NLGN1: variants seen among roughly 807,000 people sequenced by gnomAD.
NLGN1 encodes the protein neuroligin 1.
Under a neutral mutation model 65.5 loss-of-function variants are expected in NLGN1, and 12 were observed. The observed-to-expected ratio is 0.18, with a 90% confidence interval of 0.12 to 0.30. NLGN1 has a LOEUF of 0.30. Ranked by LOEUF, NLGN1 falls within the 10% of genes least tolerant of loss-of-function variation. The pLI is 1.00. For synonymous variants in NLGN1, 350 were observed against 359.5 expected (o/e 0.97, Z 0.30); for missense variants, 750 against 1,007.1 (o/e 0.74, Z 3.46).
intron 4 of NLGN1, among the ~76,000 whole-genome samples, chr3:173,872,967 A>G (rs542671862): frequency 6.6e-6 from 1 of 152,212 alleles, no homozygotes; most frequent in African/African-American, 2.4e-5. Context: ...TTAGAGTTTG[A>G]TGATACAATG....
intron 3 of NLGN1, among the ~76,000 whole-genome samples, chr3:173,618,952 T>C (rs1157528372): frequency 6.6e-6 from 1 of 152,144 alleles, no homozygotes; most frequent in Non-Finnish European, 1.5e-5. Context: ...GGGCTGGTAG[T>C]CTGTGCAGTC....
At chr3:173,428,622 A>T (rs920646596) in intron 1 of NLGN1, among the ~76,000 whole-genome samples, 2 of 152,028 alleles carry the variant, frequency 1.3e-5, no homozygotes, top group African/African-American at 4.8e-5. Flanking sequence ...TTAAGAAATT[A>T]TGTAATTATT....
At chr3:173,889,785 CA>C (rs36084564) in intron 4 of NLGN1, among the ~76,000 whole-genome samples, 24,456 of 151,932 alleles carry the variant, frequency 0.16, 2,201 homozygotes, top group East Asian at 0.34. Flanking sequence ...CAGATGCATC[CA>C]AAAAATATGC....
chr3:173,414,669 GT>G (rs1348427868), intron 1 of NLGN1, among the ~76,000 whole-genome samples: 3 of 151,960 alleles, frequency 2.0e-5, no homozygotes, highest in Admixed American at 2.0e-4. Context: ...GTCCATTTGT[GT>G]TTAATAGTAA....
chr3:173,935,614 A>ACACACACACACACT lies in NLGN1; in HGVS notation c.646+127791_646+127792insACACTCACACACAC, dbSNP rs1260485595. Among the ~76,000 whole-genome samples, 11 of 116,234 alleles carry ACACACACACACACT rather than the reference A, an allele frequency of 9.5e-5. 1 individual carries two copies. The East Asian group carries it at 2.8e-3, about 29-fold the overall frequency. 76.3% of individuals were successfully genotyped at this position (116,234 alleles called of 152,430 possible). A position where few individuals can be genotyped will look rare whatever the true frequency, so the allele number is the denominator to read the frequency against. On this transcript the variant is annotated intron_variant, in intron 4 of 6. Transcript: ENST00000457714. ...AGTCTACACACACACACACACACACACACACACACTCTCTCTCTCTCTCTC... is the reference window on the plus strand; with the variant it reads ...AGTCTACACACACACACACACACACACACACACACACACTCACACACACTCTCTCTCTCTCTCTC...
intron 2 of NLGN1, among the ~76,000 whole-genome samples, chr3:173,460,142 A>G (rs1411089472): frequency 1.3e-5 from 2 of 152,152 alleles, no homozygotes; most frequent in East Asian, 1.9e-4. Flanking sequence ...GAAAACTTCA[A>G]TTGTAATATG....
At chr3:173,978,834 TAAA>T (rs34496124) in intron 4 of NLGN1, among the ~76,000 whole-genome samples, 14 of 111,252 alleles carry the variant, frequency 1.3e-4, no homozygotes, top group South Asian at 3.0e-4. Context: ...CTTCTCTAAT[TAAA>T]AAAAAAAAAA....
intron 2 of NLGN1, among the ~76,000 whole-genome samples, chr3:173,544,868 AAG>A (rs1739507404): frequency 6.6e-6 from 1 of 152,158 alleles, no homozygotes; most frequent in South Asian, 2.1e-4. Flanking sequence ...TAGAATTAGA[AAG>A]AACGGGAGGG....
At chr3:174,124,131 C>T (rs182306938) in intron 4 of NLGN1, among the ~76,000 whole-genome samples, 1 of 152,162 alleles carries the variant, frequency 6.6e-6, no homozygotes, top group East Asian at 1.9e-4. Context: ...GAAAGAGAGA[C>T]CTCAGAAGGA....
At chr3:174,103,379 C>T (rs909079767) in intron 4 of NLGN1, among the ~76,000 whole-genome samples, 15 of 152,066 alleles carry the variant, frequency 9.9e-5, no homozygotes, top group Non-Finnish European at 1.6e-4. Context: ...GATAAAGGCT[C>T]ATTTTTGCTT....
intron 3 of NLGN1, among the ~76,000 whole-genome samples, chr3:173,743,490 A>G (rs1183857481): frequency 1.3e-5 from 2 of 152,132 alleles, no homozygotes; most frequent in African/African-American, 4.8e-5. Context: ...GCTTTCTACT[A>G]TCTAATATAT....
At chr3:173,813,607 G>T (rs1055748804) in intron 4 of NLGN1, among the ~76,000 whole-genome samples, 2 of 152,118 alleles carry the variant, frequency 1.3e-5, no homozygotes, top group African/African-American at 4.8e-5. Flanking sequence ...GAAGTAATTT[G>T]TGACAATGCA....
intron 4 of NLGN1, among the ~76,000 whole-genome samples, chr3:174,154,579 A>G (rs1395865990): frequency 2.6e-5 from 4 of 151,990 alleles, no homozygotes; most frequent in African/African-American, 9.7e-5. Flanking sequence ...ATGTTGCTGA[A>G]CTAAAATGAA....
At chr3:173,953,676 TC>T (rs1020685103) in intron 4 of NLGN1, among the ~76,000 whole-genome samples, 3 of 152,128 alleles carry the variant, frequency 2.0e-5, no homozygotes, top group Non-Finnish European at 2.9e-5. Context: ...CACCTCAGCC[TC>T]CCAAGTAGCT....
At chr3:173,997,142 T>C (rs909210078) in intron 4 of NLGN1, among the ~76,000 whole-genome samples, 1 of 152,036 alleles carries the variant, frequency 6.6e-6, no homozygotes, top group Non-Finnish European at 1.5e-5. Flanking sequence ...GTCATAAAAA[T>C]TTAGAGCAAA....
chr3:173,925,277 T>C (rs1273745875), intron 4 of NLGN1, among the ~76,000 whole-genome samples: 1 of 152,056 alleles, frequency 6.6e-6, no homozygotes, highest in African/African-American at 2.4e-5. Flanking sequence ...CCACTGAGGA[T>C]CTTTTGGGGA....
intron 4 of NLGN1, among the ~76,000 whole-genome samples, chr3:173,822,800 T>A (rs1720577243): frequency 6.6e-6 from 1 of 152,146 alleles, no homozygotes; most frequent in African/African-American, 2.4e-5. Context: ...TTTTCTTTTT[T>A]AAAATGATAC....
chr3:173,696,420 T>A (rs556667843), intron 3 of NLGN1, among the ~76,000 whole-genome samples: 28 of 152,300 alleles, frequency 1.8e-4, no homozygotes, highest in South Asian at 1.7e-3. Flanking sequence ...CAAGAGACTT[T>A]TTTTTCTCAG....
intron 4 of NLGN1, among the ~76,000 whole-genome samples, chr3:174,171,489 T>C (rs1011199086): frequency 3.9e-5 from 6 of 152,176 alleles, no homozygotes; most frequent in African/African-American, 1.4e-4. Context: ...AAAAACATGA[T>C]CTAGAATATG....
Sources: allele counts gnomAD v4.1 joint callset (sites outside exome capture counted in the v4.1 genomes callset), GRCh38; gene constraint gnomAD v4.1.1; transcripts MANE v1.5; gene names NCBI Gene and HGNC (gene_info 2026-07-23, HGNC 2026-07-21).